GLIS1: variants seen among roughly 807,000 people sequenced by gnomAD.
The protein encoded by GLIS1 is GLIS family zinc finger 1.
Under a neutral mutation model 63.8 loss-of-function variants are expected in GLIS1, and 24 were observed. The ratio of observed to expected loss-of-function variants is 0.38; its 90% confidence interval spans 0.27 to 0.53. GLIS1 has a LOEUF of 0.53. Among genes scored for constraint, GLIS1 ranks in the 20% least tolerant of loss-of-function variants. GLIS1 has a pLI of 0.85. For missense variants in GLIS1, 1,036 were observed against 1,074.1 expected (o/e 0.96, Z 0.50); for synonymous variants, 450 against 482.5 (o/e 0.93, Z 0.88).
At chr1:53,628,186 G>C (rs766155863) in intron 2 of GLIS1, among the ~76,000 whole-genome samples, 1 of 152,144 alleles carries the variant, frequency 6.6e-6, no homozygotes, top group Non-Finnish European at 1.5e-5. Flanking sequence ...TGCCTTTAGT[G>C]GTCATTTCCT....
intron 2 of GLIS1, among the ~76,000 whole-genome samples, chr1:53,658,269 T>A (rs1000159163): frequency 6.6e-6 from 1 of 152,184 alleles, no homozygotes; most frequent in South Asian, 2.1e-4. Flanking sequence ...CCATCCTATA[T>A]TGCTACTATA....
At chr1:53,727,537 G>A (rs1377673045) in intron 2 of GLIS1, among the ~76,000 whole-genome samples, 1 of 152,194 alleles carries the variant, frequency 6.6e-6, no homozygotes, top group African/African-American at 2.4e-5. Context: ...CAGTACTTGG[G>A]GCTTTGTCTT....
Position 53,511,957 on chromosome 1 carries a change from A to T in GLIS1, c.1884-1930T>A, listed in dbSNP as rs1400236109. On this transcript the variant is annotated intron_variant, in intron 8 of 10. Coordinates refer to ENST00000628545, the MANE Select transcript of GLIS1 (RefSeq NM_001367484.1). The surrounding 1 kb of genome is among the most constrained non-coding windows in gnomAD (Gnocchi z 4.2). ...CGGTGCCCAGCGCTGGGCATGGCAC[A>T]CAGTGAAAAACCAATGACACTAATA... 6.6e-6 allele frequency among the ~76,000 whole-genome samples: 1 copy of T among 152,214 alleles called. No individual in the cohort carries two copies. Among genetic ancestry groups the T allele is most frequent in the African/African-American group, 2.4e-5 (1 of 41,458 alleles).
At position 53,664,996 on chromosome 1, in the gene GLIS1, G is replaced by A. The variant is rs533941610; in HGVS notation, c.260-64718C>T. Among the ~76,000 whole-genome samples, 188 of 152,262 alleles carry A rather than the reference G, an allele frequency of 1.2e-3. 1 individual carries two copies. Among genetic ancestry groups the A allele is most frequent in the African/African-American group, 4.4e-3 (181 of 41,536 alleles). Reference sequence around the variant, plus strand: ...ATGAGGCCAGAGTGAGCAATGGGGCGAGGGGGGCACTGCTGCCATTGTAAG... The same window carrying A: ...ATGAGGCCAGAGTGAGCAATGGGGCAAGGGGGGCACTGCTGCCATTGTAAG... On this transcript the variant is annotated intron_variant, in intron 2 of 10. Transcript: ENST00000628545.
At chr1:53,510,578 C>T (rs546822813) in intron 8 of GLIS1, among the ~76,000 whole-genome samples, 42 of 152,302 alleles carry the variant, frequency 2.8e-4, no homozygotes, top group Non-Finnish European at 5.1e-4. Flanking sequence ...GACCAGAAAA[C>T]CAAGGCTCAG....
chr1:53,538,124 A>T (rs938618346), intron 4 of GLIS1, among the ~76,000 whole-genome samples: 8 of 152,186 alleles, frequency 5.3e-5, no homozygotes, highest in African/African-American at 1.9e-4. Flanking sequence ...GGGCTCCTTG[A>T]GGGTCTCCTC....
rs558496601 is a variant in GLIS1, at chr1:53,639,504, T to C, written c.260-39226A>G. On this transcript the variant is annotated intron_variant, in intron 2 of 10. Coordinates refer to ENST00000628545, the MANE Select transcript of GLIS1 (RefSeq NM_001367484.1). This position sits in a 1 kb window ranked among gnomAD's most constrained non-coding sequence, Gnocchi z 4.6. ...CCAAGCAGATGCGCACAGGCTGTTT[T>C]GGTTGGAACCCTGGCCCTTTTCTGT... Among the ~76,000 whole-genome samples, 262 of 152,246 alleles carry C rather than the reference T, an allele frequency of 1.7e-3. No individual in the cohort carries two copies. The highest frequency in any genetic ancestry group is 3.1e-3 in the Non-Finnish European group (210 of 68,020).
At chr1:53,685,520 A>G (rs955749110) in intron 2 of GLIS1, among the ~76,000 whole-genome samples, 1 of 152,216 alleles carries the variant, frequency 6.6e-6, no homozygotes, top group African/African-American at 2.4e-5. Flanking sequence ...AAACCCTGGT[A>G]CCTGATTTTT....
intron 2 of GLIS1, among the ~76,000 whole-genome samples, chr1:53,635,328 CAT>C (rs1645712346): frequency 6.6e-6 from 1 of 151,916 alleles, no homozygotes; most frequent in Non-Finnish European, 1.5e-5. Flanking sequence ...TCAGAAATCT[CAT>C]ATATTTGGAA....
chr1:53,623,151 C>T (rs141164430), intron 2 of GLIS1, among the ~76,000 whole-genome samples: 28 of 152,122 alleles, frequency 1.8e-4, no homozygotes, highest in Admixed American at 4.6e-4. Flanking sequence ...TAATGTGTAT[C>T]GAATCTGATA....
intron 2 of GLIS1, among the ~76,000 whole-genome samples, chr1:53,643,649 G>A (rs1218517281): frequency 6.6e-6 from 1 of 152,178 alleles, no homozygotes; most frequent in African/African-American, 2.4e-5. Context: ...GCAAGTTATG[G>A]AAGCTCTCTC....
At chr1:53,581,746 A>C (rs142953445) in intron 4 of GLIS1, among the ~76,000 whole-genome samples, 1 of 152,200 alleles carries the variant, frequency 6.6e-6, no homozygotes, top group Non-Finnish European at 1.5e-5. Flanking sequence ...CAGAGGTGGA[A>C]ATGAACTTAG....
intron 2 of GLIS1, among the ~76,000 whole-genome samples, chr1:53,600,854 T>G (rs1430502119): frequency 6.6e-6 from 1 of 152,216 alleles, no homozygotes; most frequent in Non-Finnish European, 1.5e-5. Flanking sequence ...TGTGCAATTA[T>G]ACCTCGCTAT....
chr1:53,585,519 A>G (rs1250401871), intron 4 of GLIS1, among the ~76,000 whole-genome samples: 1 of 136,278 alleles, frequency 7.3e-6, no homozygotes, highest in Non-Finnish European at 1.6e-5. Context: ...GGAGATAAGT[A>G]GAAATGGGGG....
intron 4 of GLIS1, among the ~76,000 whole-genome samples, chr1:53,551,056 AG>A: frequency 6.6e-6 from 1 of 152,088 alleles, no homozygotes. Flanking sequence ...TCACCATGTT[AG>A]GCCGGTTTTG....
intron 2 of GLIS1, among the ~76,000 whole-genome samples, chr1:53,644,314 T>C (rs1645819018): frequency 6.6e-6 from 1 of 152,216 alleles, no homozygotes; most frequent in Non-Finnish European, 1.5e-5. Context: ...TCACTATTTA[T>C]CATACAACCT....
chr1:53,558,740 A>G (rs1482629120), intron 4 of GLIS1, among the ~76,000 whole-genome samples: 1 of 152,160 alleles, frequency 6.6e-6, no homozygotes, highest in Non-Finnish European at 1.5e-5. Context: ...GAATGAATGA[A>G]TTAATAAATG....
intron 4 of GLIS1, among the ~76,000 whole-genome samples, chr1:53,580,083 C>T (rs1214150632): frequency 1.3e-5 from 2 of 152,152 alleles, no homozygotes; most frequent in African/African-American, 4.8e-5. Context: ...ATTCCAGGAG[C>T]CCCTGGGGCA....
Position 53,726,980 on chromosome 1 carries a change from T to C in GLIS1, c.259+10826A>G, listed in dbSNP as rs544561504. 2.6e-5 allele frequency among the ~76,000 whole-genome samples: 4 copies of C among 152,324 alleles called. No individual in the cohort carries two copies. The South Asian group carries it at 8.3e-4, about 32-fold the overall frequency. On this transcript the variant is annotated intron_variant, in intron 2 of 10. Coordinates refer to ENST00000628545, the MANE Select transcript of GLIS1 (RefSeq NM_001367484.1). The stretch of plus-strand genomic sequence containing the variant: ...CCTCTGGGACACACCTGCTGTGCAC[T>C]AGCACCTGAGCTATGTGTTCTACAG...
Sources: gnomAD v4.1 joint callset for allele counts (sites outside exome capture counted in the v4.1 genomes callset) on GRCh38, gnomAD v4.1.1 for gene constraint, Gnocchi (gnomAD v3.1) non-coding constraint, MANE v1.5 for transcripts, NCBI Gene and HGNC (gene_info 2026-07-23, HGNC 2026-07-21) for gene names.